HUNK: variants seen among roughly 807,000 people sequenced by gnomAD.
HUNK encodes the protein hormonally up-regulated neu tumor-associated kinase.
In HUNK, 21 loss-of-function variants were observed where a neutral mutation model predicts 61.0. The observed-to-expected ratio is 0.34, with a 90% CI of 0.24 to 0.50. HUNK has a LOEUF of 0.50. Among genes scored for constraint, HUNK ranks in the 20% least tolerant of loss-of-function variants. The pLI is 0.98. For synonymous variants in HUNK, 371 were observed against 386.1 expected (o/e 0.96, Z 0.46); for missense variants, 772 against 945.7 (o/e 0.82, Z 2.41).
chr21:31,901,291 G>T (rs1036810533), intron 1 of HUNK, among the ~76,000 whole-genome samples: 1 of 152,148 alleles, frequency 6.6e-6, no homozygotes, highest in Non-Finnish European at 1.5e-5. Context: ...GGGTGACTTG[G>T]TTGGTCACTG....
At chr21:31,875,098 T>TCAGCCGCAAGGAGGGAAGGC (rs2052250344) in intron 1 of HUNK, among the ~76,000 whole-genome samples, 1 of 152,014 alleles carries the variant, frequency 6.6e-6, no homozygotes, top group Non-Finnish European at 1.5e-5. Flanking sequence ...CAGGGAGGCG[T>TCAGCCGCAAGGAGGGAAGGC]CAGCCGCAAG....
chr21:31,915,650 T>C (rs2052576981), intron 1 of HUNK, among the ~76,000 whole-genome samples: 1 of 152,204 alleles, frequency 6.6e-6, no homozygotes, highest in African/African-American at 2.4e-5. Flanking sequence ...CTTGATGTGT[T>C]TCAGAGTAAT....
chr21:31,980,379 CTT>C (rs35350096), intron 7 of HUNK, among the ~76,000 whole-genome samples: 18 of 84,540 alleles, frequency 2.1e-4, no homozygotes, highest in South Asian at 9.2e-4. Context: ...CTGTCTTCTT[CTT>C]TTTTTTTTTT....
At chr21:31,918,242 G>A (rs2052599409) in intron 1 of HUNK, among the ~76,000 whole-genome samples, 1 of 152,116 alleles carries the variant, frequency 6.6e-6, no homozygotes, top group Admixed American at 6.5e-5. Context: ...GTCAGGGGGT[G>A]GATGAAAACA....
At chr21:31,977,435 T>G (rs2053057984) in intron 7 of HUNK, among the ~76,000 whole-genome samples, 1 of 152,224 alleles carries the variant, frequency 6.6e-6, no homozygotes, top group Non-Finnish European at 1.5e-5. Context: ...AAGTTCATGA[T>G]TTTGCTTATT....
intron 4 of HUNK, among the ~76,000 whole-genome samples, chr21:31,947,848 A>G (rs112414109): frequency 2.6e-5 from 4 of 152,332 alleles, no homozygotes; most frequent in African/African-American, 7.2e-5. Context: ...TGATTAAGAT[A>G]TAGACGAGAA....
intron 1 of HUNK, among the ~76,000 whole-genome samples, chr21:31,878,462 C>T (rs73191245): frequency 0.012 from 1,760 of 149,720 alleles, 5 homozygotes; most frequent in Middle Eastern, 0.021. Flanking sequence ...TGGCTGGACG[C>T]GGTGGCTCAT....
At chr21:31,950,712 A>G (rs911729686) in intron 4 of HUNK, among the ~76,000 whole-genome samples, 7 of 152,216 alleles carry the variant, frequency 4.6e-5, no homozygotes, top group Non-Finnish European at 7.3e-5. Context: ...GCAGAAGTGG[A>G]AATGGAAAAC....
intron 7 of HUNK, among the ~76,000 whole-genome samples, chr21:31,975,917 C>T (rs2053045610): frequency 6.6e-6 from 1 of 152,114 alleles, no homozygotes; most frequent in Non-Finnish European, 1.5e-5. Flanking sequence ...TGAAGATGCT[C>T]CACGGGAGGT....
chr21:31,970,056 G>A, intron 6 of HUNK, among the ~76,000 whole-genome samples: 1 of 152,116 alleles, frequency 6.6e-6, no homozygotes, highest in East Asian at 1.9e-4. Flanking sequence ...ACCAGGCTTG[G>A]ATGAAGACAA....
intron 1 of HUNK, among the ~76,000 whole-genome samples, chr21:31,892,456 GCTAC>G (rs2052397499): frequency 6.6e-6 from 1 of 151,120 alleles, no homozygotes; most frequent in East Asian, 1.9e-4. Context: ...TGTAGTCCCA[GCTAC>G]TTGGGAGGCT....
chr21:32,000,089 G>C lies in HUNK; in HGVS notation c.*905G>C. ...TGTTCATCCTGTTGTTTAAGGCATA[G>C]CCCTGATCCTTCTGGAAGGCATAGA... On this transcript the variant is annotated 3_prime_UTR_variant, in exon 11 of 11. Transcript: ENST00000270112. The C allele has an allele frequency of 2.5e-6, 1 of 398,228 alleles. No homozygotes were observed. The highest frequency in any genetic ancestry group is 3.6e-5 in the East Asian group (1 of 28,038). 24.7% of individuals were successfully genotyped at this position (398,228 alleles called of 1,614,324 possible). A position where few individuals can be genotyped will look rare whatever the true frequency, so the allele number is the denominator to read the frequency against.
chr21:31,967,011 G>A (rs987656493), intron 5 of HUNK, among the ~76,000 whole-genome samples: 8 of 152,104 alleles, frequency 5.3e-5, no homozygotes, highest in Non-Finnish European at 8.8e-5. Context: ...CCCACATGTG[G>A]GTATGCTGTA....
chr21:31,954,521 TTAA>T (rs1465326070), intron 4 of HUNK, among the ~76,000 whole-genome samples: 1 of 152,186 alleles, frequency 6.6e-6, no homozygotes, highest in African/African-American at 2.4e-5. Flanking sequence ...ATTAGCAACG[TTAA>T]TGCAATGGCT....
chr21:31,992,443 A>G (rs968563802), intron 9 of HUNK, among the ~76,000 whole-genome samples: 21 of 152,200 alleles, frequency 1.4e-4, no homozygotes, highest in Non-Finnish European at 2.1e-4. Context: ...GATAGAGAAC[A>G]AGAAGGTGTT....
rs188061711 is a variant in HUNK at position 31,877,823 on chromosome 21, T to C, written c.261+3888T>C. On this transcript the variant is annotated intron_variant, in intron 1 of 10. Transcript: ENST00000270112. ...GCCTGGTATTGATTTGTGATACCTATGAGAGGCGTGGTCTCTGGCACATAA... is the reference window on the plus strand; with the variant it reads ...GCCTGGTATTGATTTGTGATACCTACGAGAGGCGTGGTCTCTGGCACATAA... Among the ~76,000 whole-genome samples, 5 of 152,314 alleles carry C rather than the reference T, an allele frequency of 3.3e-5. No individual in the cohort carries two copies. The East Asian group carries it at 9.7e-4, about 29-fold the overall frequency.
intron 1 of HUNK, among the ~76,000 whole-genome samples, chr21:31,887,385 T>A (rs1296386896): frequency 6.6e-6 from 1 of 152,222 alleles, no homozygotes; most frequent in Non-Finnish European, 1.5e-5. Context: ...TCTCTTTGAC[T>A]GTAATTTTTT....
intron 1 of HUNK, among the ~76,000 whole-genome samples, chr21:31,886,574 C>T (rs1020938811): frequency 1.3e-5 from 2 of 152,090 alleles, no homozygotes; most frequent in Non-Finnish European, 2.9e-5. Flanking sequence ...TTTGTCTCCC[C>T]ACTAGAGTGT....
At chr21:31,955,987 A>T (rs182797935) in intron 4 of HUNK, among the ~76,000 whole-genome samples, 1 of 152,344 alleles carries the variant, frequency 6.6e-6, no homozygotes, top group African/African-American at 2.4e-5. Flanking sequence ...GGTCTTTGCT[A>T]TGTAGCATGG....
Sources: allele counts gnomAD v4.1 joint callset (sites outside exome capture counted in the v4.1 genomes callset), GRCh38; gene constraint gnomAD v4.1.1; transcripts MANE v1.5; gene names NCBI Gene and HGNC (gene_info 2026-07-23, HGNC 2026-07-21).